PIK3CD: variants seen among roughly 807,000 people sequenced by gnomAD.
The protein encoded by PIK3CD is phosphatidylinositol-4,5-bisphosphate 3-kinase catalytic subunit delta, also known as phosphatidylinositol 4,5-bisphosphate 3-kinase catalytic subunit delta isoform.
A neutral mutation model predicts 122.9 loss-of-function variants in PIK3CD; 20 were observed. That is an observed-to-expected ratio of 0.16 (90% CI 0.11 to 0.24). The LOEUF is 0.24. Ranked by LOEUF, PIK3CD falls within the 10% of genes least tolerant of loss-of-function variation. PIK3CD has a pLI of 1.00. For missense variants in PIK3CD, 787 were observed against 1,406.3 expected (o/e 0.56, Z 7.04); for synonymous variants, 596 against 593.4 (o/e 1.00, Z -0.06).
chr1:9,671,931 A>G (rs906055533), intron 1 of PIK3CD, among the ~76,000 whole-genome samples: 5 of 152,220 alleles, frequency 3.3e-5, no homozygotes, highest in African/African-American at 1.2e-4. Context: ...GTCTGCCCTC[A>G]GGTGACCTTG....
At position 9,710,652 on chromosome 1, in the gene PIK3CD, G is replaced by A. The variant is rs904586831; in HGVS notation, c.141+56G>A. On this transcript the variant is annotated intron_variant, in intron 3 of 23. Transcript: ENST00000377346. The surrounding 1 kb of genome is among the most constrained non-coding windows in gnomAD (Gnocchi z 4.7). ...GTGCTCAGAGAGAGAGAGAGAGAGA[G>A]AGACACAGATAGACAGACAGACAGA... 2 of 1,559,252 alleles carry A rather than the reference G, an allele frequency of 1.3e-6. No homozygotes were observed. The highest frequency in any genetic ancestry group is 1.8e-6 in the Non-Finnish European group (2 of 1,131,466).
At chr1:9,628,922 G>A in the PIK3CD span, among the ~76,000 whole-genome samples, 1 of 152,132 alleles carries the variant, frequency 6.6e-6, no homozygotes, top group Non-Finnish European at 1.5e-5. Context: ...TTGGGCGGTG[G>A]GAACTCCATG....
At position 9,715,976 on chromosome 1, in the gene PIK3CD, T is replaced by C; in HGVS notation, c.498T>C (p.Ser166=). The C allele has an allele frequency of 6.2e-7, 1 of 1,612,442 alleles. No homozygotes were observed. The highest frequency in any genetic ancestry group is 1.3e-5 in the African/African-American group (1 of 75,060). Residue 166 remains serine (S), a synonymous_variant, in exon 5 of 24, where the codon AGT becomes AGC. Coordinates refer to ENST00000377346, the MANE Select transcript of PIK3CD (RefSeq NM_005026.5). This position sits in a 1 kb window ranked among gnomAD's most constrained non-coding sequence, Gnocchi z 4.1. ...QLGWEAWLQY[S]FPLQLEPSAQ... Reference sequence around the variant, plus strand: ...GCTGGGAGGCCTGGCTGCAGTACAGTTTCCCCCTGCAGCTGGAGCCCTCGG... The same window carrying C: ...GCTGGGAGGCCTGGCTGCAGTACAGCTTCCCCCTGCAGCTGGAGCCCTCGG...
rs1398917889 is a variant in PIK3CD at position 9,700,645 on chromosome 1, A to G, written c.-33+9074A>G. 6.6e-6 allele frequency among the ~76,000 whole-genome samples: 1 copy of G among 151,914 alleles called. No individual in the cohort carries two copies. The highest frequency in any genetic ancestry group is 1.5e-5 in the Non-Finnish European group (1 of 67,956). The stretch of plus-strand genomic sequence containing the variant: ...CTCACCTGCCCCTCCCCGGCTCCAC[A>G]TCTGTCTGTAGCCTGCTGACTCCAC... On this transcript the variant is annotated intron_variant, in intron 2 of 23. Coordinates refer to ENST00000377346, the MANE Select transcript of PIK3CD (RefSeq NM_005026.5). The surrounding 1 kb of genome is among the most constrained non-coding windows in gnomAD (Gnocchi z 5.1).
At chr1:9,668,694 ATT>A (rs142543392) in intron 1 of PIK3CD, among the ~76,000 whole-genome samples, 3,179 of 152,014 alleles carry the variant, frequency 0.021, 116 homozygotes, top group African/African-American at 0.072. Flanking sequence ...CTCAAGATTG[ATT>A]TTGTTTTAAT....
intron 1 of PIK3CD, among the ~76,000 whole-genome samples, chr1:9,673,099 CT>C (rs541906039): frequency 0.039 from 5,308 of 136,376 alleles, 188 homozygotes; most frequent in African/African-American, 0.093. Flanking sequence ...TTTAATCCTA[CT>C]TTTTTTTTTT....
chr1:9,716,628 G>T lies in PIK3CD; in HGVS notation c.780+9G>T, dbSNP rs200867219. On this transcript the variant is annotated intron_variant, in intron 6 of 23. Coordinates refer to ENST00000377346, the MANE Select transcript of PIK3CD (RefSeq NM_005026.5). ...CGCTCTGCCAGTTCCAGGTGAGGCC[G>T]CTGAGGCCCTCTGCACTCTGGGCTC... The T allele has an allele frequency of 1.3e-5, 20 of 1,551,764 alleles. No homozygotes were observed. Among genetic ancestry groups the T allele is most frequent in the Non-Finnish European group, 1.7e-5 (20 of 1,148,448 alleles).
the PIK3CD span, among the ~76,000 whole-genome samples, chr1:9,642,489 G>A: frequency 7.2e-3 from 1,061 of 147,434 alleles, 24 homozygotes; most frequent in Admixed American, 0.046. Context: ...AGGCCGAGGC[G>A]GGTGGATCAC....
chr1:9,713,547 A>G (rs931577474), intron 3 of PIK3CD, among the ~76,000 whole-genome samples: 2 of 152,148 alleles, frequency 1.3e-5, no homozygotes, highest in African/African-American at 2.4e-5. Context: ...TTCTGAGTTA[A>G]CGGTATAACA....
chr1:9,723,747 G>C lies in PIK3CD; in HGVS notation c.2595-222G>C, dbSNP rs72633870. Among the ~76,000 whole-genome samples, 1 of 152,052 alleles carries C rather than the reference G, an allele frequency of 6.6e-6. No individual in the cohort carries two copies. The highest frequency in any genetic ancestry group is 1.5e-5 in the Non-Finnish European group (1 of 68,016). On this transcript the variant is annotated intron_variant, in intron 20 of 23. Transcript: ENST00000377346. This position sits in a 1 kb window ranked among gnomAD's most constrained non-coding sequence, Gnocchi z 4.9. Reference sequence around the variant, plus strand: ...CATTTAGCAGCCTCACCTTCCTTCCGTGGCTCTGTATTGAGGGTATGGGGT... The same window carrying C: ...CATTTAGCAGCCTCACCTTCCTTCCCTGGCTCTGTATTGAGGGTATGGGGT...
In PIK3CD at chr1:9,719,849, C is replaced by T; in HGVS notation, c.1243-72C>T. On this transcript the variant is annotated intron_variant, in intron 9 of 23. Transcript: ENST00000377346. The surrounding 1 kb of genome is among the most constrained non-coding windows in gnomAD (Gnocchi z 5.5). ...CTCTGGGTCTTCTCGGGTGGGGTGCCTGGGGGAGGGCAGGGAAGCTGGGTC... is the reference window on the plus strand; with the variant it reads ...CTCTGGGTCTTCTCGGGTGGGGTGCTTGGGGGAGGGCAGGGAAGCTGGGTC... 1 of 1,247,770 alleles carries T rather than the reference C, an allele frequency of 8.0e-7. No homozygotes were observed. Among genetic ancestry groups the T allele is most frequent in the Non-Finnish European group, 1.2e-6 (1 of 846,824 alleles). The allele number at this position is 1,247,770 out of a possible 1,614,324, so 77.3% of individuals were successfully genotyped here.
chr1:9,708,347 A>G (rs1646922884), intron 2 of PIK3CD, among the ~76,000 whole-genome samples: 1 of 151,486 alleles, frequency 6.6e-6, no homozygotes, highest in African/African-American at 2.4e-5. Context: ...ACACCCAGCT[A>G]ATTTTTGTAT....
chr1:9,673,671 G>C (rs570866533), intron 1 of PIK3CD, among the ~76,000 whole-genome samples: 1 of 152,132 alleles, frequency 6.6e-6, no homozygotes, highest in Non-Finnish European at 1.5e-5. Flanking sequence ...CCGAAGTGCC[G>C]GAATTGCAGA....
chr1:9,648,151 T>C (rs947022915), upstream of PIK3CD, among the ~76,000 whole-genome samples: 2 of 152,250 alleles, frequency 1.3e-5, no homozygotes, highest in Admixed American at 6.5e-5. Flanking sequence ...AAAGATCTCT[T>C]CATCTGCCTG....
In PIK3CD at chr1:9,727,722, A is replaced by G. The variant is rs552536587; in HGVS notation, c.*676A>G. 1.1e-4 allele frequency: 23 copies of G among 211,320 alleles called. No individual in the cohort carries two copies. Among genetic ancestry groups the G allele is most frequent in the African/African-American group, 5.0e-4 (22 of 44,064 alleles). The allele number at this position is 211,320 out of a possible 1,614,324, so 13.1% of individuals were successfully genotyped here. A position where few individuals can be genotyped will look rare whatever the true frequency, so the allele number is the denominator to read the frequency against. On this transcript the variant is annotated 3_prime_UTR_variant, in exon 24 of 24. Coordinates refer to ENST00000377346, the MANE Select transcript of PIK3CD (RefSeq NM_005026.5). ...CGCTGGTCCTCAGGACGTGTTAAAGAGATCTGGGCCTCATGTAGCTCACCC... is the reference window on the plus strand; with the variant it reads ...CGCTGGTCCTCAGGACGTGTTAAAGGGATCTGGGCCTCATGTAGCTCACCC...
chr1:9,708,858 T>C (rs1353174583), intron 2 of PIK3CD, among the ~76,000 whole-genome samples: 1 of 151,194 alleles, frequency 6.6e-6, no homozygotes, highest in African/African-American at 2.4e-5. Flanking sequence ...ACAAAAAACA[T>C]GTATGGAAAT....
chr1:9,627,504 G>C, the PIK3CD span, among the ~76,000 whole-genome samples: 1 of 152,254 alleles, frequency 6.6e-6, no homozygotes, highest in Non-Finnish European at 1.5e-5. Flanking sequence ...CTTCGCGCCC[G>C]TCAGTGGGAG....
chr1:9,679,935 C>G (rs1645685957), intron 1 of PIK3CD, among the ~76,000 whole-genome samples: 2 of 152,090 alleles, frequency 1.3e-5, no homozygotes, highest in Non-Finnish European at 2.9e-5. Context: ...AGTGATCCTT[C>G]TGTTTCAGCC....
intron 1 of PIK3CD, among the ~76,000 whole-genome samples, chr1:9,667,174 T>A (rs1188708644): frequency 6.6e-6 from 1 of 152,066 alleles, no homozygotes; most frequent in Non-Finnish European, 1.5e-5. Flanking sequence ...AAAAATTGTT[T>A]TTAAAAATTA....
Sources: gnomAD v4.1 joint callset for allele counts (sites outside exome capture counted in the v4.1 genomes callset) on GRCh38, gnomAD v4.1.1 for gene constraint, Gnocchi (gnomAD v3.1) non-coding constraint, MANE v1.5 for transcripts, NCBI Gene and HGNC (gene_info 2026-07-23, HGNC 2026-07-21) for gene names.